Variants in PTPRO observed in about 807,000 individuals in gnomAD.
PTPRO encodes receptor-type tyrosine-protein phosphatase O.
A neutral mutation model predicts 145.2 loss-of-function variants in PTPRO; 62 were observed. The ratio of observed to expected loss-of-function variants is 0.43; its 90% CI spans 0.35 to 0.53. The LOEUF is 0.53. Among genes scored for constraint, PTPRO ranks in the 20% least tolerant of loss-of-function variants. PTPRO has a pLI of 0.01. For synonymous variants in PTPRO, 565 were observed against 514.7 expected (o/e 1.10, Z -1.32); for missense variants, 1,345 against 1,482.7 (o/e 0.91, Z 1.53).
chr12:15,325,580 T>C (rs570345817), intron 1 of PTPRO, among the ~76,000 whole-genome samples: 4 of 152,344 alleles, frequency 2.6e-5, no homozygotes, highest in Non-Finnish European at 5.9e-5. Context: ...TCTGTTATTA[T>C]ATTGAAGGCT....
In PTPRO at chr12:15,401,577, C is replaced by G. The variant is rs566873084; in HGVS notation, c.75+78776C>G. On this transcript the variant is annotated intron_variant, in intron 1 of 26. Coordinates refer to ENST00000281171, the MANE Select transcript of PTPRO (RefSeq NM_030667.3). ...CTACTGATAGTTTGATTAAACACAA[C>G]CAAGAATGACAAATTTGCTATCCAC... Among the ~76,000 whole-genome samples the G allele has an allele frequency of 3.0e-4, 45 of 152,272 alleles. No individual in the cohort carries two copies. In the South Asian group the frequency reaches 4.6e-3, roughly 15 times the overall value.
chr12:15,352,797 C>T (rs16910770), intron 1 of PTPRO, among the ~76,000 whole-genome samples: 37,631 of 151,958 alleles, frequency 0.25, 4,866 homozygotes, highest in Non-Finnish European at 0.29. Flanking sequence ...TTGATACACA[C>T]GAATTGGAAG....
chr12:15,420,239 T>C (rs1044597111), intron 1 of PTPRO, among the ~76,000 whole-genome samples: 3 of 151,426 alleles, frequency 2.0e-5, no homozygotes, highest in Admixed American at 6.6e-5. Flanking sequence ...AGTCTGCTAC[T>C]GCCTCTTTCA....
Position 15,483,891 on chromosome 12 carries a change from A to G in PTPRO, c.76-83A>G, listed in dbSNP as rs1941831622. The G allele has an allele frequency of 2.8e-6, 4 of 1,412,148 alleles. No individual in the cohort carries two copies. The South Asian group carries it at 3.5e-5, about 12-fold the overall frequency. The allele number at this position is 1,412,148 out of a possible 1,614,324, so 87.5% of individuals were successfully genotyped here. A position where few individuals can be genotyped will look rare whatever the true frequency, so the allele number is the denominator to read the frequency against. ...ACTAATGTTTATGATACACAACAAT[A>G]TGTAAAAATTATCTTAGCATAACTT... On this transcript the variant is annotated intron_variant, in intron 1 of 26. Coordinates refer to ENST00000281171, the MANE Select transcript of PTPRO (RefSeq NM_030667.3).
At chr12:15,477,936 A>G (rs1380189132) in intron 1 of PTPRO, among the ~76,000 whole-genome samples, 1 of 152,062 alleles carries the variant, frequency 6.6e-6, no homozygotes, top group Non-Finnish European at 1.5e-5. Context: ...AATGTTCCTC[A>G]CCTGGCACAT....
At position 15,322,940 on chromosome 12, in the gene PTPRO, C is replaced by A; in HGVS notation, c.75+139C>A. 8.7e-6 allele frequency: 7 copies of A among 805,656 alleles called. No individual in the cohort carries two copies. Among genetic ancestry groups the A allele is most frequent in the Middle Eastern group, 3.7e-4 (1 of 2,726 alleles). The allele number at this position is 805,656 out of a possible 1,614,324, so 49.9% of individuals were successfully genotyped here. ...GGAAGCGCCTGCCGTGCAGCCTGGGCGCACGCTTTGTTGTCCTCGCGTGTG... is the reference window on the plus strand; with the variant it reads ...GGAAGCGCCTGCCGTGCAGCCTGGGAGCACGCTTTGTTGTCCTCGCGTGTG... On this transcript the variant is annotated intron_variant, in intron 1 of 26. Transcript: ENST00000281171. This position sits in a 1 kb window ranked among gnomAD's most constrained non-coding sequence, Gnocchi z 6.3.
At chr12:15,451,537 A>G (rs965661072) in intron 1 of PTPRO, among the ~76,000 whole-genome samples, 3 of 152,194 alleles carry the variant, frequency 2.0e-5, no homozygotes, top group African/African-American at 7.2e-5. Context: ...CAACCACAGA[A>G]TATGCATTCT....
intron 1 of PTPRO, among the ~76,000 whole-genome samples, chr12:15,338,393 G>A (rs1219727559): frequency 2.0e-5 from 3 of 152,128 alleles, no homozygotes; most frequent in African/African-American, 7.2e-5. Flanking sequence ...TGCAGGGAAA[G>A]TAAGTTATCG....
At chr12:15,507,712 C>T (rs1031530603) in intron 6 of PTPRO, among the ~76,000 whole-genome samples, 3 of 152,140 alleles carry the variant, frequency 2.0e-5, no homozygotes, top group Non-Finnish European at 4.4e-5. Context: ...TTATCATTTC[C>T]CTTGCACCAT....
intron 1 of PTPRO, among the ~76,000 whole-genome samples, chr12:15,351,099 A>G (rs1937789281): frequency 6.6e-6 from 1 of 152,142 alleles, no homozygotes; most frequent in African/African-American, 2.4e-5. Context: ...CAGAGACCAT[A>G]CAAGTTTTTG....
chr12:15,489,919 C>A lies in PTPRO; in HGVS notation c.349+5672C>A, dbSNP rs185361347. ...AAAGTGTTACAGAGTCAAATGGAAT[C>A]GTATATGCAAATAATGGAGGCATAC... is the stretch of plus-strand genomic sequence containing the variant. On this transcript the variant is annotated intron_variant, in intron 2 of 26. Transcript: ENST00000281171. 2.6e-5 allele frequency among the ~76,000 whole-genome samples: 4 copies of A among 152,160 alleles called. No individual in the cohort carries two copies. In the South Asian group the frequency reaches 8.3e-4, roughly 32 times the overall value.
intron 1 of PTPRO, among the ~76,000 whole-genome samples, chr12:15,385,680 C>A (rs1007244659): frequency 2.6e-5 from 4 of 151,796 alleles, no homozygotes; most frequent in African/African-American, 9.7e-5. Flanking sequence ...GCCATGGTGG[C>A]ATGTGCCTGT....
intron 12 of PTPRO, among the ~76,000 whole-genome samples, chr12:15,529,169 A>G (rs1046926244): frequency 1.3e-5 from 2 of 152,212 alleles, no homozygotes; most frequent in Non-Finnish European, 2.9e-5. Flanking sequence ...AGCCCAAAAG[A>G]CAAATCTTTT....
At chr12:15,360,784 A>ACACG (rs1235391425) in intron 1 of PTPRO, among the ~76,000 whole-genome samples, 10 of 146,674 alleles carry the variant, frequency 6.8e-5, no homozygotes, top group Non-Finnish European at 1.5e-4. Flanking sequence ...GTGTGTATAT[A>ACACG]TGTGTGTATA....
chr12:15,417,434 G>A (rs1466722585), intron 1 of PTPRO, among the ~76,000 whole-genome samples: 1 of 151,656 alleles, frequency 6.6e-6, no homozygotes, highest in Non-Finnish European at 1.5e-5. Flanking sequence ...TTTAATTCAT[G>A]TCTTTATGAA....
rs1162693400 is a variant in PTPRO at position 15,526,212 on chromosome 12, C to T, written c.2114C>T (p.Ala705Val). ...PGDIYNLSVT[A>V]CTERGSNTSM... ...GACATCTATAACCTCTCAGTAACTG[C>T]TTGTACTGAAAGAGGAAGTAATACC... The change falls in exon 12 of 27, where the codon GCT becomes GTT. Residue 705 changes from alanine to valine, a missense_variant. Transcript: ENST00000281171. The T allele has an allele frequency of 6.2e-7, 1 of 1,613,918 alleles. No individual in the cohort carries two copies. The highest frequency in any genetic ancestry group is 1.7e-5 in the Admixed American group (1 of 60,032).
rs532943263 is a variant in PTPRO, at chr12:15,505,022, G to A, written c.1267+953G>A. Reference sequence around the variant, plus strand: ...GAAAGGGTATTCCCAACTGCCTTGTGTGTCTTTCAAGTGTGAGAGACCTTG... The same window carrying A: ...GAAAGGGTATTCCCAACTGCCTTGTATGTCTTTCAAGTGTGAGAGACCTTG... On this transcript the variant is annotated intron_variant, in intron 6 of 26. Coordinates refer to ENST00000281171, the MANE Select transcript of PTPRO (RefSeq NM_030667.3). 9.8e-5 allele frequency among the ~76,000 whole-genome samples: 15 copies of A among 152,330 alleles called. No homozygotes were observed. In the South Asian group the frequency reaches 3.1e-3, roughly 32 times the overall value.
intron 1 of PTPRO, among the ~76,000 whole-genome samples, chr12:15,358,264 A>G (rs1250699333): frequency 2.0e-5 from 3 of 147,668 alleles, no homozygotes; most frequent in East Asian, 2.1e-4. Context: ...GGATAGCATT[A>G]GGAGATATAC....
chr12:15,517,431 G>T (rs1322624321), intron 9 of PTPRO, among the ~76,000 whole-genome samples: 1 of 152,068 alleles, frequency 6.6e-6, no homozygotes, highest in Non-Finnish European at 1.5e-5. Flanking sequence ...ATATTATTCT[G>T]CCCCTTGCCC....
Sources: allele counts gnomAD v4.1 joint callset (sites outside exome capture counted in the v4.1 genomes callset), GRCh38; gene constraint gnomAD v4.1.1; non-coding constraint Gnocchi (gnomAD v3.1); transcripts MANE v1.5; gene names NCBI Gene and HGNC (gene_info 2026-07-23, HGNC 2026-07-21).